SDK1: variants seen among roughly 807,000 people sequenced by gnomAD.
SDK1 encodes the protein sidekick cell adhesion molecule 1.
In SDK1, 157 loss-of-function variants were observed where a neutral mutation model predicts 245.5. That is an observed-to-expected ratio of 0.64 (90% CI 0.56 to 0.73). The LOEUF is 0.73. SDK1 is among the 30% of genes least tolerant of loss of function. SDK1 has a pLI of 0.00. For missense variants in SDK1, 3,583 were observed against 3,002.3 expected (o/e 1.19, Z -4.52); for synonymous variants, 1,647 against 1,278.5 (o/e 1.29, Z -6.15).
At chr7:3,722,639 G>A (rs893487110) in intron 4 of SDK1, among the ~76,000 whole-genome samples, 27 of 152,182 alleles carry the variant, frequency 1.8e-4, no homozygotes, top group Non-Finnish European at 2.9e-4. Context: ...TGCTTATAAA[G>A]CGCTGTGGTG....
rs139582018 is a variant in SDK1, at chr7:3,593,498, T to A, written c.299-25582T>A. Among the ~76,000 whole-genome samples, 163 of 152,280 alleles carry A rather than the reference T, an allele frequency of 1.1e-3. 1 individual carries two copies. The highest frequency in any genetic ancestry group is 3.7e-3 in the African/African-American group (155 of 41,562). On this transcript the variant is annotated intron_variant, in intron 1 of 44. Coordinates refer to ENST00000404826, the MANE Select transcript of SDK1 (RefSeq NM_152744.4). Reference sequence around the variant, plus strand: ...ACTTCTACTTGTTTTGGAACATCATTCCTTTGAAGAAAACTTTGAAGACAG... The same window carrying A: ...ACTTCTACTTGTTTTGGAACATCATACCTTTGAAGAAAACTTTGAAGACAG...
chr7:3,343,348 G>A (rs930454245), intron 1 of SDK1, among the ~76,000 whole-genome samples: 1 of 152,178 alleles, frequency 6.6e-6, no homozygotes, highest in Non-Finnish European at 1.5e-5. Context: ...AAGGGCCAAA[G>A]TATTGATGCA....
At chr7:3,312,577 T>A (rs1779575879) in intron 1 of SDK1, among the ~76,000 whole-genome samples, 1 of 151,628 alleles carries the variant, frequency 6.6e-6, no homozygotes, top group African/African-American at 2.4e-5. Context: ...GTGTTTTTTT[T>A]TAAAAAAAAT....
chr7:3,894,698 C>CT (rs942252289), intron 5 of SDK1, among the ~76,000 whole-genome samples: 2,116 of 135,420 alleles, frequency 0.016, 29 homozygotes, highest in South Asian at 0.038. Context: ...ACTATTTTTT[C>CT]TTTTTTTTTT....
At chr7:3,881,248 C>G (rs1781201839) in intron 5 of SDK1, among the ~76,000 whole-genome samples, 1 of 152,086 alleles carries the variant, frequency 6.6e-6, no homozygotes, top group Non-Finnish European at 1.5e-5. Flanking sequence ...CTGATGCTCT[C>G]CCTCCCCTAC....
At chr7:3,982,189 G>C (rs1258773585) in intron 13 of SDK1, among the ~76,000 whole-genome samples, 3 of 152,194 alleles carry the variant, frequency 2.0e-5, no homozygotes, top group Non-Finnish European at 2.9e-5. Flanking sequence ...AGCAAAGCCT[G>C]GATGACAGCT....
chr7:4,141,119 T>C (rs1779557959), intron 28 of SDK1, among the ~76,000 whole-genome samples: 1 of 152,124 alleles, frequency 6.6e-6, no homozygotes. Flanking sequence ...CCCGAGGCAG[T>C]GTATCCTCCA....
At chr7:3,920,091 T>G (rs1031192530) in intron 5 of SDK1, among the ~76,000 whole-genome samples, 12 of 152,156 alleles carry the variant, frequency 7.9e-5, no homozygotes, top group Non-Finnish European at 1.5e-4. Context: ...GCAGGGGCAC[T>G]GAGACAGCTC....
At chr7:3,967,471 T>C (rs377064092) in intron 10 of SDK1, 37 bp downstream of exon 10, 4 of 1,283,854 alleles carry the variant, frequency 3.1e-6, no homozygotes, top group South Asian at 1.2e-5. Flanking sequence ...GCATGGCCCA[T>C]GTAGAACATA....
At chr7:3,317,071 C>T (rs544972437) in intron 1 of SDK1, among the ~76,000 whole-genome samples, 97 of 149,018 alleles carry the variant, frequency 6.5e-4, no homozygotes, top group African/African-American at 2.4e-3. Flanking sequence ...GTCCCAGCTA[C>T]TTGAGGGGCT....
Position 3,326,450 on chromosome 7 carries a change from T to C in SDK1, c.298+24566T>C, listed in dbSNP as rs117345800. Among the ~76,000 whole-genome samples, 627 of 152,296 alleles carry C rather than the reference T, an allele frequency of 4.1e-3. 7 individuals carry two copies. Among genetic ancestry groups the C allele is most frequent in the South Asian group, 0.017 (84 of 4,822 alleles). ...GATATCACTAGACATTGAAGTTGTT[T>C]TAGTTCTTCATTATAAACTATGCTA... On this transcript the variant is annotated intron_variant, in intron 1 of 44. Transcript: ENST00000404826.
At chr7:3,586,142 C>T (rs1314888203) in intron 1 of SDK1, among the ~76,000 whole-genome samples, 1 of 151,510 alleles carries the variant, frequency 6.6e-6, no homozygotes, top group Non-Finnish European at 1.5e-5. Flanking sequence ...CTGAGGGCTT[C>T]ACCATTGCCT....
At chr7:3,985,843 T>C in intron 13 of SDK1, among the ~76,000 whole-genome samples, 1 of 152,336 alleles carries the variant, frequency 6.6e-6, no homozygotes, top group South Asian at 2.1e-4. Flanking sequence ...AACAGCTTAA[T>C]AAATTTCAAA....
At chr7:3,582,384 G>C (rs1417093242) in intron 1 of SDK1, among the ~76,000 whole-genome samples, 4 of 150,446 alleles carry the variant, frequency 2.7e-5, no homozygotes, top group African/African-American at 7.4e-5. Flanking sequence ...GTCTGTCTCA[G>C]GTAGGTCTCC....
At chr7:3,376,575 C>T (rs1157877467) in intron 1 of SDK1, among the ~76,000 whole-genome samples, 2 of 152,132 alleles carry the variant, frequency 1.3e-5, no homozygotes, top group Non-Finnish European at 1.5e-5. Flanking sequence ...ATTGTATTTA[C>T]CAGATTCACA....
chr7:3,945,759 C>T (rs1312872275), intron 5 of SDK1, among the ~76,000 whole-genome samples: 9 of 151,436 alleles, frequency 5.9e-5, no homozygotes, highest in African/African-American at 1.2e-4. Flanking sequence ...ATAAGCCAGG[C>T]GTGATGGCAG....
intron 1 of SDK1, among the ~76,000 whole-genome samples, chr7:3,529,393 T>G (rs1055447928): frequency 6.6e-6 from 1 of 152,188 alleles, no homozygotes; most frequent in Admixed American, 6.5e-5. Context: ...AAACTATCTG[T>G]GCTAGAAAGT....
chr7:3,346,606 G>A (rs1009372410), intron 1 of SDK1, among the ~76,000 whole-genome samples: 4 of 149,240 alleles, frequency 2.7e-5, no homozygotes, highest in African/African-American at 7.4e-5. Flanking sequence ...TCTCCAACTC[G>A]TGCTCAGGCA....
intron 32 of SDK1, among the ~76,000 whole-genome samples, chr7:4,167,964 T>C (rs191776199): frequency 3.3e-4 from 51 of 152,350 alleles, no homozygotes; most frequent in African/African-American, 1.2e-3. Flanking sequence ...GGAGCCGCCC[T>C]GCTGATGCCT....
Sources: gnomAD v4.1 joint callset for allele counts (sites outside exome capture counted in the v4.1 genomes callset) on GRCh38, gnomAD v4.1.1 for gene constraint, MANE v1.5 for transcripts, NCBI Gene and HGNC (gene_info 2026-07-23, HGNC 2026-07-21) for gene names.